Variants in ANKRD11 observed in about 807,000 individuals in gnomAD.
The protein encoded by ANKRD11 is ankyrin repeat domain-containing protein 11.
Under a neutral mutation model 195.7 loss-of-function variants are expected in ANKRD11, and 17 were observed. The ratio of observed to expected loss-of-function variants is 0.09; its 90% confidence interval spans 0.06 to 0.13. ANKRD11 has a LOEUF of 0.13. Ranked by LOEUF, ANKRD11 falls within the 10% of genes least tolerant of loss-of-function variation. ANKRD11 has a pLI of 1.00. For synonymous variants in ANKRD11, 1,953 were observed against 1,528.1 expected, an observed-to-expected ratio of 1.28 and a Z score of -6.49; for missense variants, 3,735 against 3,566.1, an observed-to-expected ratio of 1.05 and a Z score of -1.21.
At chr16:89,390,117 C>T (rs2041117491) in intron 2 of ANKRD11, among the ~76,000 whole-genome samples, 1 of 59,292 alleles carries the variant, frequency 1.7e-5, no homozygotes, top group African/African-American at 1.3e-4. Flanking sequence ...GGGCGAACAC[C>T]GAGTGTGGCG....
intron 2 of ANKRD11, chr16:89,323,354 T>G: frequency 1.6e-6 from 2 of 1,286,972 alleles, no homozygotes; most frequent in Non-Finnish European, 2.0e-6. Flanking sequence ...GAAGCACCAC[T>G]GGCCTCTCAC....
At chr16:89,394,371 G>A (rs1056472388) in intron 2 of ANKRD11, among the ~76,000 whole-genome samples, 8 of 152,220 alleles carry the variant, frequency 5.3e-5, no homozygotes, top group South Asian at 4.1e-4. Context: ...GCTCCCGCCC[G>A]TAATCCCAGC....
intron 2 of ANKRD11, among the ~76,000 whole-genome samples, chr16:89,387,692 G>GAAAA (rs920498026): frequency 4.4e-5 from 3 of 67,494 alleles, no homozygotes; most frequent in African/African-American, 1.6e-4. Flanking sequence ...AAAAGAAAAA[G>GAAAA]AAAAAAAAAA....
intron 1 of ANKRD11, among the ~76,000 whole-genome samples, chr16:89,479,017 C>A (rs1475293376): frequency 6.6e-6 from 1 of 152,106 alleles, no homozygotes; most frequent in African/African-American, 2.4e-5. Context: ...GTGGCATGAT[C>A]TCAGCTCACT....
chr16:89,447,424 C>A (rs2043843194), intron 1 of ANKRD11, among the ~76,000 whole-genome samples: 1 of 152,174 alleles, frequency 6.6e-6, no homozygotes, highest in South Asian at 2.1e-4. Flanking sequence ...TAGAGTGTAG[C>A]AACCACACAG....
chr16:89,288,503 G>A (rs1420444258), intron 7 of ANKRD11, 25 bp downstream of exon 7: 1 of 1,614,048 alleles, frequency 6.2e-7, no homozygotes. Context: ...CAGGCCGGAT[G>A]TGTGAAGAAC....
chr16:89,379,760 T>C (rs1305230766), intron 2 of ANKRD11, among the ~76,000 whole-genome samples: 1 of 152,258 alleles, frequency 6.6e-6, no homozygotes, highest in Admixed American at 6.5e-5. Context: ...CACAAAGAAC[T>C]TGGACTGAGT....
In ANKRD11 at chr16:89,470,534, G is replaced by C. The variant is rs532299233; in HGVS notation, c.-145+19711C>G. On this transcript the variant is annotated intron_variant, in intron 1 of 12. Transcript: ENST00000301030. Reference sequence around the variant, plus strand: ...CTGAGAAAGGAGGGTAAATACTAAAGTATTAGTCTCTAAGAAATCTCATGA... The same window carrying C: ...CTGAGAAAGGAGGGTAAATACTAAACTATTAGTCTCTAAGAAATCTCATGA... Among the ~76,000 whole-genome samples, 63 of 152,056 alleles carry C rather than the reference G, an allele frequency of 4.1e-4. 1 individual carries two copies. In the East Asian group the frequency reaches 0.012, roughly 29 times the overall value.
intron 2 of ANKRD11, among the ~76,000 whole-genome samples, chr16:89,389,750 G>A (rs992879316): frequency 6.7e-6 from 1 of 150,044 alleles, no homozygotes; most frequent in Admixed American, 6.6e-5. Flanking sequence ...CGAGTGTGGC[G>A]GGGAGCACCG....
intron 2 of ANKRD11, among the ~76,000 whole-genome samples, chr16:89,334,235 T>A (rs1476680457): frequency 1.3e-5 from 2 of 150,628 alleles, no homozygotes; most frequent in African/African-American, 4.9e-5. Flanking sequence ...GGACAATGTC[T>A]GATGCCTGGC....
intron 2 of ANKRD11, among the ~76,000 whole-genome samples, chr16:89,337,065 A>C (rs2038399518): frequency 1.3e-5 from 2 of 149,938 alleles, no homozygotes; most frequent in African/African-American, 4.9e-5. Flanking sequence ...GCACACCTGC[A>C]GTCCCAGCTA....
rs1245469790 is a variant in ANKRD11 at position 89,279,781 on chromosome 16, C to G, written c.6761G>C (p.Gly2254Ala). The G allele has an allele frequency of 6.5e-7, 1 of 1,533,298 alleles. No individual in the cohort carries two copies. The highest frequency in any genetic ancestry group is 8.7e-7 in the Non-Finnish European group (1 of 1,143,912). 95.0% of individuals were successfully genotyped at this position (1,533,298 alleles called of 1,614,324 possible). A position where few individuals can be genotyped will look rare whatever the true frequency, so the allele number is the denominator to read the frequency against. ...VPPEQRPLGSGDQGAEAEGPP... is the reference protein window; with the variant it reads ...VPPEQRPLGSADQGAEAEGPP... The stretch of plus-strand genomic sequence containing the variant: ...GCCTTCAGCCTCAGCCCCCTGGTCT[C>G]CGCTCCCCAGTGGGCGCTGTTCTGG... Residue 2254 changes from glycine to alanine, a missense_variant, in exon 9 of 13, where the codon GGA becomes GCA. Coordinates refer to ENST00000301030, the MANE Select transcript of ANKRD11 (RefSeq NM_013275.6). The surrounding 1 kb of genome is among the most constrained non-coding windows in gnomAD (Gnocchi z 5.6).
chr16:89,378,591 C>T (rs545419426), intron 2 of ANKRD11, among the ~76,000 whole-genome samples: 1 of 152,296 alleles, frequency 6.6e-6, no homozygotes, highest in South Asian at 2.1e-4. Context: ...TGAGAACACA[C>T]AACTGGCCAG....
chr16:89,281,798 T>C lies in ANKRD11; in HGVS notation c.4744A>G (p.Ser1582Gly). 1 of 1,614,100 alleles carries C rather than the reference T, an allele frequency of 6.2e-7. No homozygotes were observed. The highest frequency in any genetic ancestry group is 8.5e-7 in the Non-Finnish European group (1 of 1,180,018). ...TTCTGGGACAGCATCCTCTCGAAGCTGGTCATCATCAGGTCGCCGTCCCCC... is the reference window on the plus strand; with the variant it reads ...TTCTGGGACAGCATCCTCTCGAAGCCGGTCATCATCAGGTCGCCGTCCCCC... ...LLGDGDLMMT[S>G]FERMLSQKDL... The change falls in exon 9 of 13, where the codon AGC becomes GGC. Residue 1582 changes from serine to glycine, a missense_variant. By Grantham distance (56) the Ser-to-Gly change is moderately conservative. Transcript: ENST00000301030. This position sits in a 1 kb window ranked among gnomAD's most constrained non-coding sequence, Gnocchi z 5.5.
chr16:89,411,106 G>A (rs914645888), intron 2 of ANKRD11, among the ~76,000 whole-genome samples: 1 of 152,086 alleles, frequency 6.6e-6, no homozygotes, highest in Non-Finnish European at 1.5e-5. Context: ...TGCCTGCAGA[G>A]AGAAGGGTGG....
intron 2 of ANKRD11, among the ~76,000 whole-genome samples, chr16:89,329,772 GC>G (rs2037948312): frequency 6.6e-6 from 1 of 152,078 alleles, no homozygotes; most frequent in Admixed American, 6.5e-5. Context: ...AGTCTGGGAG[GC>G]CCAGGCAGGC....
At chr16:89,314,660 G>C (rs2036839117) in intron 3 of ANKRD11, among the ~76,000 whole-genome samples, 1 of 152,100 alleles carries the variant, frequency 6.6e-6, no homozygotes, top group African/African-American at 2.4e-5. Context: ...TCCTCAATAA[G>C]CATATCTGAG....
intron 4 of ANKRD11, among the ~76,000 whole-genome samples, chr16:89,304,513 C>T (rs2036051214): frequency 6.6e-6 from 1 of 151,606 alleles, no homozygotes; most frequent in African/African-American, 2.4e-5. Context: ...CATACACAGG[C>T]ACACATACAG....
intron 1 of ANKRD11, among the ~76,000 whole-genome samples, chr16:89,461,864 C>T (rs915404653): frequency 3.3e-5 from 5 of 152,180 alleles, no homozygotes; most frequent in African/African-American, 1.2e-4. Flanking sequence ...GCTCAGCTCT[C>T]AGAATGTTCA....
Sources: gnomAD v4.1 joint callset for allele counts (sites outside exome capture counted in the v4.1 genomes callset) on GRCh38, gnomAD v4.1.1 for gene constraint, Gnocchi (gnomAD v3.1) non-coding constraint, MANE v1.5 for transcripts, NCBI Gene and HGNC (gene_info 2026-07-23, HGNC 2026-07-21) for gene names.